The following AHNAK2 variants were observed in gnomAD, a reference collection of about 807,000 sequenced individuals.
The protein encoded by AHNAK2 is protein AHNAK2.
Under a neutral mutation model 30.7 loss-of-function variants are expected in AHNAK2, and 18 were observed. That is an observed-to-expected ratio of 0.59 (90% CI 0.41 to 0.87). The LOEUF (loss-of-function observed/expected upper bound fraction) is 0.87. Among genes scored for constraint, AHNAK2 ranks in the 40% least tolerant of loss-of-function variants. AHNAK2 has a pLI of 0.00. For synonymous variants in AHNAK2, 3,590 were observed against 3,073.8 expected (o/e 1.17, Z -5.56); for missense variants, 8,604 against 7,373.0 (o/e 1.17, Z -6.11).
rs200702513 is a variant in AHNAK2, at chr14:104,954,065, G to A, written c.1386C>T (p.Ile462=). Residue 462 remains isoleucine (I), a synonymous_variant, in exon 7 of 7, where the codon ATC becomes ATT. Transcript: ENST00000333244. The surrounding 1 kb of genome is among the most constrained non-coding windows in gnomAD (Gnocchi z 4.3). ...TTGTGTCTCTCAAGGACAGTCTGGC[G>A]ATCCCGATTTCCAGGCTCTGCAGTC... ...GEGLQSLEIG[I]ARLSLRDTTE... The A allele has an allele frequency of 1.2e-5, 20 of 1,613,310 alleles. No homozygotes were observed. In the African/African-American group the frequency reaches 1.3e-4, roughly 11 times the overall value.
Position 104,952,564 on chromosome 14 carries a change from T to A in AHNAK2, c.2887A>T (p.Ser963Cys), listed in dbSNP as rs769020517. The A allele has an allele frequency of 6.2e-7, 1 of 1,612,938 alleles. No individual in the cohort carries two copies. The highest frequency in any genetic ancestry group is 8.5e-7 in the Non-Finnish European group (1 of 1,179,702). The change falls in exon 7 of 7, where the codon AGC becomes TGC. Residue 963 changes from serine to cysteine, a missense_variant. Coordinates refer to ENST00000333244, the MANE Select transcript of AHNAK2 (RefSeq NM_138420.4). ...TGGGCCTGGACATCCACCTCCATGC[T>A]GGGCAGAGACACCTCGCCATCGGGG... Reference protein sequence around the residue: ...TAPDGEVSLPSMEVDVQAQKA... With the variant: ...TAPDGEVSLPCMEVDVQAQKA...
Position 104,947,368 on chromosome 14 carries a change from C to T in AHNAK2, c.8083G>A (p.Asp2695Asn), listed in dbSNP as rs1898343199. Residue 2695 changes from aspartate to asparagine, a missense_variant, in exon 7 of 7, where the codon GAC becomes AAC. Asp to Asn is a conservative substitution (Grantham distance 23). Coordinates refer to ENST00000333244, the MANE Select transcript of AHNAK2 (RefSeq NM_138420.4). ...PSMQGDLKTT[D>N]ISIQPPSAQL... is the part of the protein sequence containing the mutation. ...GCAGAGGGGGGCTGAATGCTGATGT[C>T]AGTGGTCTTAAGGTCCCCTTGCATG... The T allele has an allele frequency of 6.2e-7, 1 of 1,612,704 alleles. No homozygotes were observed.
intron 1 of AHNAK2, among the ~76,000 whole-genome samples, chr14:104,972,960 G>C (rs1249589592): frequency 6.6e-6 from 1 of 152,146 alleles, no homozygotes; most frequent in Non-Finnish European, 1.5e-5. Context: ...AAGAGCTGGA[G>C]AGCCATGCTT....
In AHNAK2 at chr14:104,949,765, C is replaced by T. The variant is rs780363620; in HGVS notation, c.5686G>A (p.Val1896Met). ...CCTTTGAGGCCGGCTCCCTCGGGCA[C>T]CTGGCCCTCCGGGAGCTTCATGTCC... ...QVDMKLPEGQ[V>M]PEGAGLKGHL... The change falls in exon 7 of 7, where the codon GTG becomes ATG. Residue 1896 changes from valine to methionine, a missense_variant. Val to Met is a conservative substitution (Grantham distance 21). Coordinates refer to ENST00000333244, the MANE Select transcript of AHNAK2 (RefSeq NM_138420.4). 3 of 1,586,280 alleles carry T rather than the reference C, an allele frequency of 1.9e-6. No individual in the cohort carries two copies. Among genetic ancestry groups the T allele is most frequent in the Non-Finnish European group, 2.6e-6 (3 of 1,162,584 alleles).
In AHNAK2 at chr14:104,947,152, C is replaced by A. The variant is rs763365788; in HGVS notation, c.8299G>T (p.Val2767Leu). 1.9e-6 allele frequency: 3 copies of A among 1,612,204 alleles called. No individual in the cohort carries two copies. Among genetic ancestry groups the A allele is most frequent in the South Asian group, 1.1e-5 (1 of 91,022 alleles). ...NVDLKGPKAE[V>L]TAPDVKMSLS... ...GACATCTTCACATCGGGGGCTGTCA[C>A]TTCCGCCTTGGGGCCTTTCAGGTCC... Residue 2767 changes from valine to leucine, a missense_variant, in exon 7 of 7, where the codon GTG (valine) becomes TTG (leucine). Transcript: ENST00000333244.
At chr14:104,971,560 T>C (rs1177028728) in intron 1 of AHNAK2, among the ~76,000 whole-genome samples, 1 of 152,180 alleles carries the variant, frequency 6.6e-6, no homozygotes, top group Non-Finnish European at 1.5e-5. Flanking sequence ...AGCTTTTTTT[T>C]TTAACAAGCC....
intron 1 of AHNAK2, 37 bp downstream of exon 1, chr14:104,978,130 GCGCGTAGCCCACCCGC>G: frequency 8.3e-7 from 1 of 1,201,498 alleles, no homozygotes; most frequent in Non-Finnish European, 1.0e-6. Context: ...GCGCGCCCTC[GCGCGTAGCCCACCCGC>G]CCCAGGGGAG....
chr14:104,941,065 G>C lies in AHNAK2; in HGVS notation c.14386C>G (p.Gln4796Glu). ...PCEDVTLTKY[Q>E]VTVPRAALAP... is the part of the protein sequence containing the mutation. Reference sequence around the variant, plus strand: ...AAGGCAGCTCTGGGAACAGTCACCTGGTATTTTGTAAGTGTAACATCCTCA... The same window carrying C: ...AAGGCAGCTCTGGGAACAGTCACCTCGTATTTTGTAAGTGTAACATCCTCA... The change falls in exon 7 of 7, where the codon CAG (glutamine) becomes GAG (glutamate). Residue 4796 changes from glutamine (Q) to glutamate (E), a missense_variant. Coordinates refer to ENST00000333244, the MANE Select transcript of AHNAK2 (RefSeq NM_138420.4). 2 of 1,613,610 alleles carry C rather than the reference G, an allele frequency of 1.2e-6. No homozygotes were observed. Among genetic ancestry groups the C allele is most frequent in the Admixed American group, 1.7e-5 (1 of 60,012 alleles).
Position 104,938,496 on chromosome 14 carries a change from A to G in AHNAK2, c.16955T>C (p.Ile5652Thr), listed in dbSNP as rs371039084. 8 of 1,613,668 alleles carry G rather than the reference A, an allele frequency of 5.0e-6. No individual in the cohort carries two copies. In the African/African-American group the frequency reaches 6.7e-5, roughly 13 times the overall value. ...SGLLWFWLPN[I>T]GFSSSVDETG... is the part of the protein sequence containing the mutation. ...CTCATCAACAGAAGAGGAAAACCCAATGTTTGGAAGCCAAAACCAGAGCAG... is the reference window on the plus strand; with the variant it reads ...CTCATCAACAGAAGAGGAAAACCCAGTGTTTGGAAGCCAAAACCAGAGCAG... The change falls in exon 7 of 7, where the codon ATT (isoleucine) becomes ACT (threonine). Residue 5652 changes from isoleucine (I) to threonine (T), a missense_variant. Coordinates refer to ENST00000333244, the MANE Select transcript of AHNAK2 (RefSeq NM_138420.4).
At position 104,948,569 on chromosome 14, in the gene AHNAK2, C is replaced by T. The variant is rs1898447929; in HGVS notation, c.6882G>A (p.Lys2294=). 1.9e-6 allele frequency: 3 copies of T among 1,612,784 alleles called. No homozygotes were observed. Among genetic ancestry groups the T allele is most frequent in the African/African-American group, 2.7e-5 (2 of 74,190 alleles). ...CCCCCTCCAGCCGCGCACCATCCAG[C>T]TTGGCTCCTGGGGCCTTGACGTCCA... The part of the protein sequence containing the change: ...VEVDVKAPGA[K]LDGARLEGDM... Residue 2294 remains lysine, a synonymous_variant, in exon 7 of 7, where the codon AAG becomes AAA. Coordinates refer to ENST00000333244, the MANE Select transcript of AHNAK2 (RefSeq NM_138420.4).
chr14:104,952,158 C>G lies in AHNAK2; in HGVS notation c.3293G>C (p.Gly1098Ala), dbSNP rs758397545. 8.1e-6 allele frequency: 13 copies of G among 1,612,292 alleles called. No individual in the cohort carries two copies. The South Asian group carries it at 1.4e-4, about 18-fold the overall frequency. The change falls in exon 7 of 7, where the codon GGC becomes GCC. Residue 1098 changes from glycine (G) to alanine (A), a missense_variant. Physicochemically the swap from Gly to Ala is moderately conservative, Grantham distance 60. Transcript: ENST00000333244. ...SFKMPKVALK[G>A]PQVDVKGPKL... ...GGGGCCCTTGACGTCCACCTGGGGGCCCTTGAGGGCCACTTTGGGCATCTT... is the reference window on the plus strand; with the variant it reads ...GGGGCCCTTGACGTCCACCTGGGGGGCCTTGAGGGCCACTTTGGGCATCTT...
intron 1 of AHNAK2, among the ~76,000 whole-genome samples, chr14:104,971,717 C>G (rs1384553376): frequency 2.0e-5 from 3 of 152,380 alleles, no homozygotes; most frequent in African/African-American, 7.2e-5. Context: ...CCTTAGCCCC[C>G]ACTCCTCTTT....
Position 104,947,906 on chromosome 14 carries a change from G to T in AHNAK2, c.7545C>A (p.Ala2515=). ...CCTGCATGGAGGAGAGGCTCCCGTC[G>T]GCCTCCACCTTCGGCGCAGACACAT... ...SVDVSAPKVE[A]DGSLSSMQGD... The change falls in exon 7 of 7, where the codon GCC becomes GCA. Residue 2515 remains alanine (A), a synonymous_variant. Transcript: ENST00000333244. 6.2e-7 allele frequency: 1 copy of T among 1,612,238 alleles called. No individual in the cohort carries two copies. Among genetic ancestry groups the T allele is most frequent in the Non-Finnish European group, 8.5e-7 (1 of 1,179,540 alleles).
intron 1 of AHNAK2, among the ~76,000 whole-genome samples, chr14:104,971,469 C>T (rs755133048): frequency 1.3e-5 from 2 of 152,156 alleles, no homozygotes; most frequent in Non-Finnish European, 2.9e-5. Flanking sequence ...TGGCTAGTCT[C>T]AAACTCCTAG....
Position 104,941,333 on chromosome 14 carries a change from C to G in AHNAK2, c.14118G>C (p.Val4706=). ...TGGTAGAAGAAAATGAAACTTTGGG[C>G]ACTTTAAAATGCAGTTTCTTAAACT... ...DSKFKKLHFK[V]PKVSFSSTKT... is the part of the protein sequence containing the mutation. The change falls in exon 7 of 7, where the codon GTG becomes GTC. Residue 4706 remains valine (V), a synonymous_variant. Transcript: ENST00000333244. 1 of 1,613,570 alleles carries G rather than the reference C, an allele frequency of 6.2e-7. No individual in the cohort carries two copies. Among genetic ancestry groups the G allele is most frequent in the Non-Finnish European group, 8.5e-7 (1 of 1,179,880 alleles).
chr14:104,946,130 G>A lies in AHNAK2; in HGVS notation c.9321C>T (p.Pro3107=), dbSNP rs767291611. The part of the protein sequence containing the change: ...VTAPDVEVSQ[P]GMEVDVEAPG... ...GGGCCTCGACATCCACCTCCATGCC[G>A]GGCTGAGACACCTCCACGTCGGGGG... Residue 3107 remains proline (P), a synonymous_variant, in exon 7 of 7, where the codon CCC becomes CCT. Transcript: ENST00000333244. 8.7e-6 allele frequency: 14 copies of A among 1,612,010 alleles called. No homozygotes were observed. The highest frequency in any genetic ancestry group is 1.7e-4 in the Middle Eastern group (1 of 6,052).
chr14:104,946,924 C>T lies in AHNAK2; in HGVS notation c.8527G>A (p.Val2843Met), dbSNP rs199922115. ...EASVDVSELK[V>M]EADGSFPSMQ... ...GAGGGGAAGCTCCCGTCAGCTTCCACCTTCAGCTCAGACACATCCACCGAG... is the reference window on the plus strand; with the variant it reads ...GAGGGGAAGCTCCCGTCAGCTTCCATCTTCAGCTCAGACACATCCACCGAG... Residue 2843 changes from valine (V) to methionine (M), a missense_variant, in exon 7 of 7, where the codon GTG becomes ATG. Val to Met is a conservative substitution (Grantham distance 21). Transcript: ENST00000333244. 1.2e-5 allele frequency: 20 copies of T among 1,612,648 alleles called. No homozygotes were observed. Among genetic ancestry groups the T allele is most frequent in the Non-Finnish European group, 1.7e-5 (20 of 1,179,772 alleles).
intron 1 of AHNAK2, among the ~76,000 whole-genome samples, chr14:104,972,499 C>G (rs1172383053): frequency 3.9e-5 from 6 of 152,286 alleles, no homozygotes; most frequent in African/African-American, 1.4e-4. Context: ...AGCACTGACC[C>G]CCGCAAGAGC....
chr14:104,950,311 C>A lies in AHNAK2; in HGVS notation c.5140G>T (p.Asp1714Tyr), dbSNP rs550305346. The change falls in exon 7 of 7, where the codon GAC (aspartate) becomes TAC (tyrosine). Residue 1714 changes from aspartate (D) to tyrosine (Y), a missense_variant. Transcript: ENST00000333244. ...ACTTGGCCAGCCTGGACCTCCAGGT[C>A]GGCGGAAGGGGACTGAATGCTGAGG... ...TDLSIQSPSADLEVQAGQVNV... is the reference protein window; with the variant it reads ...TDLSIQSPSAYLEVQAGQVNV... 6.3e-7 allele frequency: 1 copy of A among 1,584,896 alleles called. No homozygotes were observed. The highest frequency in any genetic ancestry group is 1.4e-5 in the African/African-American group (1 of 71,658).
Sources: allele counts gnomAD v4.1 joint callset (sites outside exome capture counted in the v4.1 genomes callset), GRCh38; gene constraint gnomAD v4.1.1; non-coding constraint Gnocchi (gnomAD v3.1); transcripts MANE v1.5; gene names NCBI Gene and HGNC (gene_info 2026-07-23, HGNC 2026-07-21).